DEPDC1B: variants seen among roughly 807,000 people sequenced by gnomAD.
DEPDC1B encodes the protein DEP domain containing 1B.
Under a neutral mutation model 66.5 loss-of-function variants are expected in DEPDC1B, and 51 were observed. The ratio of observed to expected loss-of-function variants is 0.77; its 90% CI spans 0.61 to 0.97. The LOEUF (loss-of-function observed/expected upper bound fraction) is 0.97. Ranked by LOEUF, DEPDC1B falls within the 50% of genes least tolerant of loss-of-function variation. The probability of loss-of-function intolerance (pLI) is 0.00; values close to 1 mark genes in which losing one functional copy is unlikely to be tolerated. For synonymous variants in DEPDC1B, 226 were observed against 223.6 expected (o/e 1.01, Z -0.10); for missense variants, 552 against 637.1 (o/e 0.87, Z 1.44).
At chr5:60,642,663 T>C in intron 6 of DEPDC1B, 149 bp downstream of exon 6, 1 of 608,790 alleles carries the variant, frequency 1.6e-6, no homozygotes, top group Non-Finnish European at 2.9e-6. Flanking sequence ...GTCACAAATT[T>C]ATCACTAAAA....
In DEPDC1B at chr5:60,642,855, T is replaced by C; in HGVS notation, c.714A>G (p.Glu238=). ...GVVILDDKSK[E]LPHWVLSAMK... is the part of the protein sequence containing the mutation. Reference sequence around the variant, plus strand: ...TAGCTGACAGCACCCAATGAGGAAGTTCTTCTGAAGGAAAAAGAAAATTTG... The same window carrying C: ...TAGCTGACAGCACCCAATGAGGAAGCTCTTCTGAAGGAAAAAGAAAATTTG... Residue 238 remains glutamate, a synonymous_variant, in exon 6 of 11, where the codon GAA becomes GAG. Transcript: ENST00000265036. 1 of 1,611,036 alleles carries C rather than the reference T, an allele frequency of 6.2e-7. No individual in the cohort carries two copies. The highest frequency in any genetic ancestry group is 8.5e-7 in the Non-Finnish European group (1 of 1,178,950).
chr5:60,646,366 G>T (rs555944781), intron 3 of DEPDC1B, among the ~76,000 whole-genome samples: 1 of 152,240 alleles, frequency 6.6e-6, no homozygotes, highest in South Asian at 2.1e-4. Flanking sequence ...CCCTCAACTG[G>T]CAATAATAAC....
intron 2 of DEPDC1B, among the ~76,000 whole-genome samples, chr5:60,654,971 A>T (rs1009480464): frequency 1.3e-5 from 2 of 149,140 alleles, no homozygotes; most frequent in Non-Finnish European, 2.9e-5. Flanking sequence ...CCCTGATATG[A>T]AACCCAATTG....
intron 8 of DEPDC1B, among the ~76,000 whole-genome samples, chr5:60,605,244 C>T (rs145129819): frequency 2.0e-4 from 30 of 152,062 alleles, no homozygotes; most frequent in African/African-American, 6.0e-4. Context: ...GTGCACAGCA[C>T]GGTGACGACA....
intron 7 of DEPDC1B, among the ~76,000 whole-genome samples, chr5:60,623,280 A>G (rs1472619990): frequency 6.6e-6 from 1 of 152,146 alleles, no homozygotes; most frequent in African/African-American, 2.4e-5. Context: ...TCACTTGACT[A>G]CAGATACATG....
intron 2 of DEPDC1B, among the ~76,000 whole-genome samples, chr5:60,651,328 G>T (rs1409476632): frequency 6.6e-6 from 1 of 152,062 alleles, no homozygotes; most frequent in Admixed American, 6.5e-5. Context: ...AGGAATTCGA[G>T]ACCAGCCTGG....
intron 2 of DEPDC1B, among the ~76,000 whole-genome samples, chr5:60,675,707 C>T (rs1754139350): frequency 6.6e-6 from 1 of 151,814 alleles, no homozygotes; most frequent in Admixed American, 6.6e-5. Context: ...AAACACAGGC[C>T]CTTCCTTCCT....
rs1311369911 is a variant in DEPDC1B, at chr5:60,597,441, A to G, written c.*312T>C. ...TAGGATGTATATACACAATTATTTA[A>G]TAAACACCATGAAAAAGAAAGCACA... On this transcript the variant is annotated 3_prime_UTR_variant, in exon 11 of 11. Transcript: ENST00000265036. The G allele has an allele frequency of 4.1e-6, 1 of 244,210 alleles. No individual in the cohort carries two copies. The highest frequency in any genetic ancestry group is 2.3e-5 in the African/African-American group (1 of 42,562). 15.1% of individuals were successfully genotyped at this position (244,210 alleles called of 1,614,324 possible).
At chr5:60,626,643 C>T (rs1417098418) in intron 7 of DEPDC1B, among the ~76,000 whole-genome samples, 1 of 152,052 alleles carries the variant, frequency 6.6e-6, no homozygotes, top group African/African-American at 2.4e-5. Flanking sequence ...TTAATTAAAA[C>T]AAAAAGTTTA....
chr5:60,655,467 G>A (rs1753555992), intron 2 of DEPDC1B, among the ~76,000 whole-genome samples: 1 of 149,134 alleles, frequency 6.7e-6, no homozygotes, highest in East Asian at 2.1e-4. Flanking sequence ...GGTATCAGTT[G>A]TAATATTTCC....
intron 2 of DEPDC1B, among the ~76,000 whole-genome samples, chr5:60,670,817 T>C (rs1023601831): frequency 6.6e-6 from 1 of 152,186 alleles, no homozygotes; most frequent in Non-Finnish European, 1.5e-5. Flanking sequence ...AGGGACATAT[T>C]CTTGACAGGG....
intron 7 of DEPDC1B, among the ~76,000 whole-genome samples, chr5:60,616,052 C>G (rs1752546238): frequency 6.6e-6 from 1 of 152,212 alleles, no homozygotes; most frequent in Admixed American, 6.5e-5. Flanking sequence ...GGACCTCCAG[C>G]AAACACCAAC....
At chr5:60,654,771 G>C (rs1753538804) in intron 2 of DEPDC1B, among the ~76,000 whole-genome samples, 1 of 148,842 alleles carries the variant, frequency 6.7e-6, no homozygotes, top group African/African-American at 2.5e-5. Flanking sequence ...GTATGTCATA[G>C]ATGGCTTTTA....
chr5:60,618,427 T>C (rs1019123236), intron 7 of DEPDC1B, among the ~76,000 whole-genome samples: 7 of 151,984 alleles, frequency 4.6e-5, no homozygotes, highest in South Asian at 2.1e-4. Context: ...AAGAATCAAA[T>C]AGATGCAATA....
intron 7 of DEPDC1B, among the ~76,000 whole-genome samples, chr5:60,628,920 G>A (rs531958239): frequency 3.1e-4 from 47 of 152,284 alleles, no homozygotes; most frequent in African/African-American, 1.1e-3. Context: ...AATGGTGGGA[G>A]AAAGGTCTTA....
chr5:60,646,573 G>A (rs1379116), intron 3 of DEPDC1B, among the ~76,000 whole-genome samples: 52,184 of 152,012 alleles, frequency 0.34, 10,549 homozygotes, highest in East Asian at 0.57. Context: ...AATATTCAGA[G>A]GAAAAAAATG....
intron 2 of DEPDC1B, among the ~76,000 whole-genome samples, chr5:60,668,013 TTATATATATATAAAATGGATATTTTA>T (rs1561384595): frequency 2.5e-5 from 2 of 81,422 alleles, no homozygotes; most frequent in African/African-American, 1.6e-4. Flanking sequence ...AATGGATATT[TTATATATATATAAAATGGATATTTTA>T]TATATATATA....
At chr5:60,654,005 T>C (rs1753519223) in intron 2 of DEPDC1B, among the ~76,000 whole-genome samples, 1 of 149,530 alleles carries the variant, frequency 6.7e-6, no homozygotes, top group Non-Finnish European at 1.5e-5. Context: ...TTGGTGACTA[T>C]AGGTTTATAG....
intron 2 of DEPDC1B, among the ~76,000 whole-genome samples, chr5:60,667,527 T>C (rs1753874408): frequency 6.8e-6 from 1 of 146,488 alleles, no homozygotes; most frequent in Non-Finnish European, 1.5e-5. Context: ...AAAATGGATA[T>C]TTTACATATA....
Sources: allele counts gnomAD v4.1 joint callset (sites outside exome capture counted in the v4.1 genomes callset), GRCh38; gene constraint gnomAD v4.1.1; transcripts MANE v1.5; gene names NCBI Gene and HGNC (gene_info 2026-07-23, HGNC 2026-07-21).